TTC39B: variants seen among roughly 807,000 people sequenced by gnomAD.
TTC39B encodes the protein tetratricopeptide repeat domain 39B, also known as tetratricopeptide repeat protein 39B.
In TTC39B, 92 loss-of-function variants were observed where a neutral mutation model predicts 96.6. That is an observed-to-expected ratio of 0.95 (90% confidence interval 0.80 to 1.13). The LOEUF (loss-of-function observed/expected upper bound fraction) is 1.13. TTC39B is among the 50% of genes most tolerant of loss of function. TTC39B has a pLI of 0.00. For missense variants in TTC39B, 955 were observed against 809.3 expected (o/e 1.18, Z -2.18); for synonymous variants, 367 against 299.4 (o/e 1.23, Z -2.33).
rs115140760 is a variant in TTC39B at position 15,248,336 on chromosome 9, T to C, written c.275+19578A>G. Among the ~76,000 whole-genome samples, 1,139 of 152,304 alleles carry C rather than the reference T, an allele frequency of 7.5e-3. 7 individuals are homozygous for C. Among genetic ancestry groups the C allele is most frequent in the African/African-American group, 0.026 (1,088 of 41,554 alleles). On this transcript the variant is annotated intron_variant, in intron 2 of 19. Coordinates refer to ENST00000512701, the Ensembl canonical transcript of TTC39B. ...AGTTAACTCATTTCCAACATCTCTTTCCAGCTTAAGCATTCTAGGGATCTG... is the reference window on the plus strand; with the variant it reads ...AGTTAACTCATTTCCAACATCTCTTCCCAGCTTAAGCATTCTAGGGATCTG...
chr9:15,188,132 C>G, exon 14 of TTC39B: 1 of 1,591,358 alleles, frequency 6.3e-7, no homozygotes, highest in South Asian at 1.2e-5. Flanking sequence ...ACTTCTTGTG[C>G]CTGTAAATCA....
chr9:15,264,747 A>C (rs1262313566), intron 2 of TTC39B, among the ~76,000 whole-genome samples: 5 of 147,108 alleles, frequency 3.4e-5, no homozygotes, highest in Non-Finnish European at 4.5e-5. Flanking sequence ...ATATATATAT[A>C]TCTTATAACA....
intron 1 of TTC39B, among the ~76,000 whole-genome samples, chr9:15,280,855 T>C (rs1823735692): frequency 2.0e-5 from 3 of 152,120 alleles, no homozygotes; most frequent in South Asian, 4.1e-4. Context: ...GTAGAATGCC[T>C]CTCTCAGGGC....
chr9:15,288,360 C>G (rs11794919), intron 1 of TTC39B, among the ~76,000 whole-genome samples: 64,842 of 151,906 alleles, frequency 0.43, 14,138 homozygotes, highest in East Asian at 0.7. Flanking sequence ...ATATAAACGC[C>G]AAAACCCCGG....
intron 1 of TTC39B, among the ~76,000 whole-genome samples, chr9:15,290,762 C>CT (rs1164091867): frequency 6.6e-6 from 1 of 152,114 alleles, no homozygotes; most frequent in Non-Finnish European, 1.5e-5. Flanking sequence ...ATATCTACCT[C>CT]TTTTTTTTCT....
At chr9:15,174,938 A>G (rs1588835213) in intron 19 of TTC39B, 81 bp downstream of exon 19, 6 of 869,874 alleles carry the variant, frequency 6.9e-6, no homozygotes, top group Non-Finnish European at 7.8e-6. Flanking sequence ...TGTTAAGTAT[A>G]TAATGTTACT....
At chr9:15,288,586 C>T (rs1291368639) in intron 1 of TTC39B, among the ~76,000 whole-genome samples, 1 of 152,206 alleles carries the variant, frequency 6.6e-6, no homozygotes, top group Non-Finnish European at 1.5e-5. Context: ...CTCCACCATT[C>T]AATAAAGCCC....
chr9:15,167,248 A>C (rs1817548049), exon 20 of TTC39B: 1 of 98,220 alleles, frequency 1.0e-5, no homozygotes, highest in Non-Finnish European at 1.9e-5. Context: ...TTCTCACTGT[A>C]TTGCCCAGGC....
At chr9:15,280,448 C>T (rs749008037) in intron 1 of TTC39B, among the ~76,000 whole-genome samples, 1 of 152,200 alleles carries the variant, frequency 6.6e-6, no homozygotes, top group Admixed American at 6.5e-5. Context: ...TGTTAAAAAT[C>T]TATAAAGTTC....
chr9:15,197,898 G>C (rs669845), intron 8 of TTC39B, among the ~76,000 whole-genome samples: 7,410 of 152,096 alleles, frequency 0.049, 646 homozygotes, highest in African/African-American at 0.17. Context: ...GCAAAAATAA[G>C]CTTGAAAAGA....
rs1319862615 is a variant in TTC39B at position 15,189,713 on chromosome 9, T to C, written c.1173+12A>G. The C allele has an allele frequency of 6.2e-7, 1 of 1,613,934 alleles. No homozygotes were observed. Among genetic ancestry groups the C allele is most frequent in the Non-Finnish European group, 8.5e-7 (1 of 1,179,986 alleles). ...TATGGTTGAAACATACACTTTGAAATACTGAGCGTACATTTGGAAACTGCT... is the reference window on the plus strand; with the variant it reads ...TATGGTTGAAACATACACTTTGAAACACTGAGCGTACATTTGGAAACTGCT... On this transcript the variant is annotated intron_variant, in intron 12 of 19. Coordinates refer to ENST00000512701, the Ensembl canonical transcript of TTC39B.
chr9:15,194,568 T>C (rs1310600613), intron 8 of TTC39B, among the ~76,000 whole-genome samples: 2 of 152,236 alleles, frequency 1.3e-5, no homozygotes, highest in Non-Finnish European at 2.9e-5. Flanking sequence ...AATTTGTGGA[T>C]ACTGCATTTT....
At chr9:15,208,938 A>G (rs1309726588) in intron 6 of TTC39B, among the ~76,000 whole-genome samples, 1 of 152,224 alleles carries the variant, frequency 6.6e-6, no homozygotes, top group African/African-American at 2.4e-5. Context: ...TATGTCTGAC[A>G]TACACTTGAC....
At chr9:15,256,387 CG>C (rs1017420049) in intron 2 of TTC39B, among the ~76,000 whole-genome samples, 2 of 152,220 alleles carry the variant, frequency 1.3e-5, no homozygotes, top group African/African-American at 4.8e-5. Flanking sequence ...GATTTTGTTA[CG>C]GCAGCCCAAA....
At chr9:15,188,721 A>G (rs1251270537) in intron 13 of TTC39B, among the ~76,000 whole-genome samples, 1 of 125,090 alleles carries the variant, frequency 8.0e-6, no homozygotes, top group Non-Finnish European at 1.6e-5. Context: ...AGCAAAGAGC[A>G]TTGGAAAAAA....
chr9:15,194,532 T>C (rs910280910), intron 8 of TTC39B, among the ~76,000 whole-genome samples: 1 of 152,210 alleles, frequency 6.6e-6, no homozygotes, highest in Non-Finnish European at 1.5e-5. Context: ...TTCACTGATA[T>C]GTAAAGGCAT....
chr9:15,295,093 C>A (rs1462471487), intron 1 of TTC39B, among the ~76,000 whole-genome samples: 5 of 152,298 alleles, frequency 3.3e-5, no homozygotes, highest in Middle Eastern at 3.4e-3. Flanking sequence ...AGGAAACAAG[C>A]ACATTTAATT....
At chr9:15,213,298 G>C (rs1820313846) in intron 4 of TTC39B, among the ~76,000 whole-genome samples, 1 of 152,176 alleles carries the variant, frequency 6.6e-6, no homozygotes, top group South Asian at 2.1e-4. Context: ...AAATATTGAA[G>C]ACAACACTGG....
chr9:15,179,799 A>G (rs1204680128), intron 17 of TTC39B, among the ~76,000 whole-genome samples: 3 of 152,232 alleles, frequency 2.0e-5, no homozygotes, highest in Admixed American at 6.5e-5. Flanking sequence ...CAGACGTAAC[A>G]TCATGGGAAG....
Sources: gnomAD v4.1 joint callset for allele counts (sites outside exome capture counted in the v4.1 genomes callset) on GRCh38, gnomAD v4.1.1 for gene constraint, MANE v1.5 for transcripts, NCBI Gene and HGNC (gene_info 2026-07-23, HGNC 2026-07-21) for gene names.